C1orf167: variants seen among roughly 807,000 people sequenced by gnomAD.
The protein encoded by C1orf167 is chromosome 1 open reading frame 167.
A neutral mutation model predicts 176.5 loss-of-function variants in C1orf167; 153 were observed. The observed-to-expected ratio is 0.87, with a 90% CI of 0.76 to 0.99. The LOEUF is 0.99. Among genes scored for constraint, C1orf167 ranks in the 50% least tolerant of loss-of-function variants. The probability of loss-of-function intolerance (pLI) is 0.00; values close to 1 mark genes in which losing one functional copy is unlikely to be tolerated. For missense variants in C1orf167, 1,490 were observed against 1,817.7 expected (o/e 0.82, Z 3.28); for synonymous variants, 594 against 752.7 (o/e 0.79, Z 3.45).
intron 8 of C1orf167, 126 bp from the exon 9 acceptor site, chr1:11,775,309 C>T (rs887321478): frequency 3.0e-6 from 2 of 669,728 alleles, no homozygotes; most frequent in Non-Finnish European, 4.3e-6. Context: ...CAACAAAACA[C>T]GGAGGCTCAG....
intron 8 of C1orf167, among the ~76,000 whole-genome samples, chr1:11,773,480 G>A (rs1377093390): frequency 3.9e-5 from 6 of 152,014 alleles, no homozygotes; most frequent in African/African-American, 1.4e-4. Flanking sequence ...GGCCGAGGCA[G>A]GTGGATCACT....
At chr1:11,776,344 G>A (rs1415445999) in intron 9 of C1orf167, 120 bp from the exon 10 acceptor site, 24 of 878,490 alleles carry the variant, frequency 2.7e-5, no homozygotes, top group Non-Finnish European at 3.5e-5. Flanking sequence ...GCTTGGAAGC[G>A]GTGGGACGGG....
chr1:11,776,547 C>A lies in C1orf167; in HGVS notation c.2248C>A (p.Arg750=), dbSNP rs562528766. 9 of 1,284,004 alleles carry A rather than the reference C, an allele frequency of 7.0e-6. No individual in the cohort carries two copies. The highest frequency in any genetic ancestry group is 9.2e-6 in the Non-Finnish European group (9 of 980,334). 79.5% of individuals were successfully genotyped at this position (1,284,004 alleles called of 1,614,324 possible). The change falls in exon 10 of 21, where the codon CGG becomes AGG. Residue 750 remains arginine (R), a synonymous_variant. Transcript: ENST00000688073. Reference sequence around the variant, plus strand: ...GGCCCAGGGGCAGCAGGAGCAAGGCCGGGGCTCCCTGCAGGATGCCTGCTG... The same window carrying A: ...GGCCCAGGGGCAGCAGGAGCAAGGCAGGGGCTCCCTGCAGGATGCCTGCTG... ...GQAQGQQEQG[R]GSLQDACWTL... is the part of the protein sequence containing the mutation.
At chr1:11,763,494 G>T (rs1642629889) in intron 1 of C1orf167, among the ~76,000 whole-genome samples, 1 of 151,632 alleles carries the variant, frequency 6.6e-6, no homozygotes, top group African/African-American at 2.4e-5. Flanking sequence ...CAGCTATTGA[G>T]CTCTGCTATT....
chr1:11,769,674 G>GTTT (rs70983593), intron 6 of C1orf167, among the ~76,000 whole-genome samples: 7,999 of 142,064 alleles, frequency 0.056, 342 homozygotes, highest in South Asian at 0.14. Context: ...TGTTTAGGAA[G>GTTT]TTTTTTTTTT....
Position 11,766,369 on chromosome 1 carries a change from C to T in C1orf167, c.583C>T (p.Gln195Ter), listed in dbSNP as rs1557720254. The T allele has an allele frequency of 8.7e-6, 11 of 1,269,152 alleles. No individual in the cohort carries two copies. The highest frequency in any genetic ancestry group is 9.2e-6 in the Non-Finnish European group (9 of 979,098). 78.6% of individuals were successfully genotyped at this position (1,269,152 alleles called of 1,614,324 possible). The change falls in exon 3 of 21, where the codon CAG (glutamine) becomes TAG (stop). Residue 195 changes from glutamine (Q) to a stop codon, truncating the protein, a stop_gained. Transcript: ENST00000688073. LOFTEE classifies it high-confidence loss of function. This position sits in a 1 kb window ranked among gnomAD's most constrained non-coding sequence, Gnocchi z 4.5. ...EAFAPLDGHT[Q>*]PGLRSWGGLG... ...CTTTGCCCCTCTCGATGGGCATACACAGCCAGGCCTCAGATCCTGGGGTGG... is the reference window on the plus strand; with the variant it reads ...CTTTGCCCCTCTCGATGGGCATACATAGCCAGGCCTCAGATCCTGGGGTGG...
At chr1:11,764,565 A>G (rs1440453185) in intron 2 of C1orf167, 95 bp downstream of exon 2, 23 of 1,032,030 alleles carry the variant, frequency 2.2e-5, no homozygotes, top group Non-Finnish European at 2.9e-5. Flanking sequence ...GCCAGCCTAT[A>G]GGGCCTGGCT....
intron 14 of C1orf167, among the ~76,000 whole-genome samples, chr1:11,782,918 CA>C (rs70983597): frequency 0.73 from 76,953 of 104,850 alleles, 26,864 homozygotes; most frequent in East Asian, 0.84. Flanking sequence ...GACTCCATCT[CA>C]AAAAAAAAAA....
At position 11,779,116 on chromosome 1, in the gene C1orf167, G is replaced by A. The variant is rs1040438514; in HGVS notation, c.2651+36G>A. On this transcript the variant is annotated intron_variant, in intron 12 of 20. Coordinates refer to ENST00000688073, the MANE Select transcript of C1orf167 (RefSeq NM_001010881.2). Reference sequence around the variant, plus strand: ...CTCCCCATCCGCCCGCCACTCTATGGACTTACTGTTTCCCGGCCCCTTCTC... The same window carrying A: ...CTCCCCATCCGCCCGCCACTCTATGAACTTACTGTTTCCCGGCCCCTTCTC... 4.9e-6 allele frequency: 6 copies of A among 1,213,698 alleles called. No individual in the cohort carries two copies. The African/African-American group carries it at 8.0e-5, about 16-fold the overall frequency. 75.2% of individuals were successfully genotyped at this position (1,213,698 alleles called of 1,614,324 possible). A position where few individuals can be genotyped will look rare whatever the true frequency, so the allele number is the denominator to read the frequency against.
intron 3 of C1orf167, 35 bp from the exon 4 acceptor site, chr1:11,767,186 C>T (rs1481462228): frequency 1.6e-6 from 2 of 1,289,172 alleles, no homozygotes; most frequent in Non-Finnish European, 2.0e-6. Flanking sequence ...TGCTGCTTGG[C>T]CTGAGAACTG....
At chr1:11,785,461 G>C (rs2151655) in intron 16 of C1orf167, among the ~76,000 whole-genome samples, 172 bp downstream of exon 16, 103,945 of 152,104 alleles carry the variant, frequency 0.68, 36,290 homozygotes, top group East Asian at 0.9. Flanking sequence ...TGATTCAGCC[G>C]GTGGTGGCAG....
At position 11,768,304 on chromosome 1, in the gene C1orf167, G is replaced by A. The variant is rs1642900946; in HGVS notation, c.1542+29G>A. On this transcript the variant is annotated intron_variant, in intron 5 of 20. Transcript: ENST00000688073. The surrounding 1 kb of genome is among the most constrained non-coding windows in gnomAD (Gnocchi z 4.5). ...AGCGGTCTCCAGGTTGGGCCAGGGG[G>A]CCGTGTGAAGCAGTGGTGTGTCTGG... 2 of 1,287,094 alleles carry A rather than the reference G, an allele frequency of 1.6e-6. No homozygotes were observed. The highest frequency in any genetic ancestry group is 2.0e-6 in the Non-Finnish European group (2 of 986,728). 79.7% of individuals were successfully genotyped at this position (1,287,094 alleles called of 1,614,324 possible).
At position 11,787,378 on chromosome 1, in the gene C1orf167, ATTCC is replaced by A; in HGVS notation, c.3568-6_3568-3del. The A allele has an allele frequency of 1.6e-6, 2 of 1,281,714 alleles. No homozygotes were observed. The highest frequency in any genetic ancestry group is 2.0e-6 in the Non-Finnish European group (2 of 977,290). The allele number at this position is 1,281,714 out of a possible 1,614,324, so 79.4% of individuals were successfully genotyped here. A position where few individuals can be genotyped will look rare whatever the true frequency, so the allele number is the denominator to read the frequency against. ...GGGGTTCAGGTGCTCCTCTCTGGCT[ATTCC>A]TTCAGACCCGCAGCTGCTGGACACA... On this transcript the variant is annotated splice_region_variant and splice_polypyrimidine_tract_variant and intron_variant, in intron 16 of 20. Coordinates refer to ENST00000688073, the MANE Select transcript of C1orf167 (RefSeq NM_001010881.2).
At chr1:11,772,530 G>A (rs1393770394) in intron 8 of C1orf167, among the ~76,000 whole-genome samples, 3 of 152,202 alleles carry the variant, frequency 2.0e-5, no homozygotes, top group African/African-American at 7.2e-5. Context: ...GCCTCCAGAA[G>A]TGCTGGGATT....
Position 11,767,093 on chromosome 1 carries a change from C to T in C1orf167, c.1299+8C>T, listed in dbSNP as rs1030681447. 3.2e-6 allele frequency: 4 copies of T among 1,249,710 alleles called. No homozygotes were observed. Among genetic ancestry groups the T allele is most frequent in the Non-Finnish European group, 4.1e-6 (4 of 967,002 alleles). The allele number at this position is 1,249,710 out of a possible 1,614,324, so 77.4% of individuals were successfully genotyped here. A position where few individuals can be genotyped will look rare whatever the true frequency, so the allele number is the denominator to read the frequency against. On this transcript the variant is annotated splice_region_variant and intron_variant, in intron 3 of 20. Transcript: ENST00000688073. The stretch of plus-strand genomic sequence containing the variant: ...GCGAGCAGTGCGTCGAAGGTAGAGG[C>T]CCGGGGAGGCTGGAGGTGGGGTAGG...
At position 11,788,386 on chromosome 1, in the gene C1orf167, G is replaced by C; in HGVS notation, c.4078+8G>C. ...CAGCTGGTGCGGACCCTGGTGAGTG[G>C]GTGCACCCCTCTCCACACTGACCAT... On this transcript the variant is annotated splice_region_variant and intron_variant, in intron 19 of 20. Coordinates refer to ENST00000688073, the MANE Select transcript of C1orf167 (RefSeq NM_001010881.2). 7.8e-7 allele frequency: 1 copy of C among 1,286,898 alleles called. No individual in the cohort carries two copies. The highest frequency in any genetic ancestry group is 1.0e-6 in the Non-Finnish European group (1 of 976,366). The allele number at this position is 1,286,898 out of a possible 1,614,324, so 79.7% of individuals were successfully genotyped here.
intron 13 of C1orf167, among the ~76,000 whole-genome samples, chr1:11,781,152 C>G (rs1643584076): frequency 6.6e-6 from 1 of 151,998 alleles, no homozygotes; most frequent in Non-Finnish European, 1.5e-5. Context: ...CGCCTGCCAC[C>G]ACACCTGGCT....
intron 20 of C1orf167, 47 bp from the exon 21 acceptor site, chr1:11,789,223 C>T (rs781775342): frequency 3.8e-5 from 49 of 1,296,060 alleles, no homozygotes; most frequent in African/African-American, 6.1e-5. Flanking sequence ...GCACAGACCC[C>T]GGAGAAAGCC....
chr1:11,782,905 C>T (rs1643659338), intron 14 of C1orf167, among the ~76,000 whole-genome samples: 2 of 122,120 alleles, frequency 1.6e-5, no homozygotes. Flanking sequence ...GGCGACAGTG[C>T]GAGACTCCAT....
Sources: allele counts gnomAD v4.1 joint callset (sites outside exome capture counted in the v4.1 genomes callset), GRCh38; gene constraint gnomAD v4.1.1; non-coding constraint Gnocchi (gnomAD v3.1); transcripts MANE v1.5; gene names NCBI Gene and HGNC (gene_info 2026-07-23, HGNC 2026-07-21).